CSMD1: variants seen among roughly 807,000 people sequenced by gnomAD.
CSMD1 encodes the protein CUB and Sushi multiple domains 1.
A neutral mutation model predicts 417.5 loss-of-function variants in CSMD1; 213 were observed. The observed-to-expected ratio is 0.51, with a 90% CI of 0.46 to 0.57. The LOEUF (loss-of-function observed/expected upper bound fraction) is 0.57, where lower values mean the gene tolerates loss of function less well. CSMD1 is among the 20% of genes least tolerant of loss of function. The pLI, the probability that CSMD1 is intolerant of heterozygous loss-of-function variation, is 0.00. For synonymous variants in CSMD1, 2,862 were observed against 1,736.8 expected (o/e 1.65, Z -16.11); for missense variants, 6,923 against 4,529.7 (o/e 1.53, Z -15.17).
chr8:3,197,414 T>C (rs909250434), intron 33 of CSMD1, among the ~76,000 whole-genome samples: 3 of 152,074 alleles, frequency 2.0e-5, no homozygotes, highest in Non-Finnish European at 2.9e-5. Context: ...GCTGTAATGG[T>C]GTATGAAAGC....
rs563596744 is a variant in CSMD1 at position 3,368,117 on chromosome 8, T to A, written c.2900-870A>T. Among the ~76,000 whole-genome samples, 11 of 152,292 alleles carry A rather than the reference T, an allele frequency of 7.2e-5. 1 individual carries two copies. In the South Asian group the frequency reaches 2.3e-3, roughly 32 times the overall value. On this transcript the variant is annotated intron_variant, in intron 19 of 69. Coordinates refer to ENST00000635120, the MANE Select transcript of CSMD1 (RefSeq NM_033225.6). ...GAACAGATAACTTCTAATAAAAATG[T>A]GTATTTTTATGATTATAAAACTTTG...
intron 3 of CSMD1, among the ~76,000 whole-genome samples, chr8:4,158,753 C>A (rs1796981052): frequency 6.6e-6 from 1 of 152,118 alleles, no homozygotes; most frequent in Non-Finnish European, 1.5e-5. Flanking sequence ...ATCATCGTCA[C>A]TTGATGGGTG....
At chr8:4,112,211 C>G (rs146754472) in intron 3 of CSMD1, among the ~76,000 whole-genome samples, 1 of 152,216 alleles carries the variant, frequency 6.6e-6, no homozygotes, top group African/African-American at 2.4e-5. Flanking sequence ...ACCAGTAACA[C>G]CTCTTTCAGG....
At chr8:3,122,760 G>T (rs916620485) in intron 41 of CSMD1, among the ~76,000 whole-genome samples, 2 of 152,110 alleles carry the variant, frequency 1.3e-5, no homozygotes, top group Non-Finnish European at 2.9e-5. Flanking sequence ...CCCGACCCCA[G>T]CCATGTGGAA....
At chr8:3,630,207 G>C (rs544940211) in intron 7 of CSMD1, among the ~76,000 whole-genome samples, 1 of 152,202 alleles carries the variant, frequency 6.6e-6, no homozygotes, top group Non-Finnish European at 1.5e-5. Flanking sequence ...CTGGGAGGGA[G>C]AAATTAATAG....
At chr8:3,061,948 T>C (rs993070128) in intron 49 of CSMD1, among the ~76,000 whole-genome samples, 4 of 152,176 alleles carry the variant, frequency 2.6e-5, no homozygotes, top group Non-Finnish European at 5.9e-5. Context: ...GAGTAGCTGA[T>C]GACGAAGCCT....
At chr8:4,791,736 A>T (rs530278929) in intron 1 of CSMD1, among the ~76,000 whole-genome samples, 48 of 152,300 alleles carry the variant, frequency 3.2e-4, no homozygotes, top group African/African-American at 1.1e-3. Context: ...TTTTCTGACG[A>T]AGAAGTTCAA....
chr8:4,912,934 C>A (rs1264159674), intron 1 of CSMD1, among the ~76,000 whole-genome samples: 2 of 152,106 alleles, frequency 1.3e-5, no homozygotes, highest in African/African-American at 4.8e-5. Flanking sequence ...TACAGGCACC[C>A]ACCACCTCAC....
intron 2 of CSMD1, among the ~76,000 whole-genome samples, chr8:4,523,677 A>C (rs1036843644): frequency 6.6e-6 from 1 of 152,144 alleles, no homozygotes; most frequent in Admixed American, 6.5e-5. Flanking sequence ...GGTCTACTAA[A>C]GGTCTGCTTA....
chr8:4,737,180 C>A (rs1280381689), intron 1 of CSMD1, among the ~76,000 whole-genome samples: 1 of 152,124 alleles, frequency 6.6e-6, no homozygotes, highest in African/African-American at 2.4e-5. Context: ...ATCATGTCCT[C>A]TGCAGGGACA....
At chr8:3,521,875 T>A (rs893334469) in intron 10 of CSMD1, among the ~76,000 whole-genome samples, 1 of 152,190 alleles carries the variant, frequency 6.6e-6, no homozygotes, top group East Asian at 1.9e-4. Flanking sequence ...GCGGAACAGT[T>A]TGATGCCAAA....
chr8:4,371,265 G>C lies in CSMD1; in HGVS notation c.415+48688C>G, dbSNP rs543350097. On this transcript the variant is annotated intron_variant, in intron 3 of 69. Coordinates refer to ENST00000635120, the MANE Select transcript of CSMD1 (RefSeq NM_033225.6). ...GACCAGGTCAGCAGTTTGGCTTCTA[G>C]TCCCTTGAGGATGCGCCTCTGCTGG... Among the ~76,000 whole-genome samples the C allele has an allele frequency of 9.7e-4, 147 of 152,236 alleles. 3 individuals carry two copies. Among genetic ancestry groups the C allele is most frequent in the Non-Finnish European group, 1.2e-4 (8 of 68,030 alleles).
intron 1 of CSMD1, among the ~76,000 whole-genome samples, chr8:4,974,052 A>T (rs970781025): frequency 1.3e-5 from 2 of 152,104 alleles, no homozygotes; most frequent in African/African-American, 4.8e-5. Flanking sequence ...ACAGAGTCTC[A>T]CCCTGTTGCC....
At chr8:4,099,749 C>T (rs573122563) in intron 3 of CSMD1, among the ~76,000 whole-genome samples, 1 of 152,078 alleles carries the variant, frequency 6.6e-6, no homozygotes, top group Non-Finnish European at 1.5e-5. Context: ...AAACTAGAAC[C>T]TCTTCCTGAG....
chr8:3,470,399 A>C (rs570023314), intron 11 of CSMD1, among the ~76,000 whole-genome samples: 1 of 152,348 alleles, frequency 6.6e-6, no homozygotes, highest in Non-Finnish European at 1.5e-5. Context: ...GTACAAAATA[A>C]TATAAAGAGA....
At chr8:4,554,712 TG>T (rs1798013943) in intron 2 of CSMD1, among the ~76,000 whole-genome samples, 1 of 152,206 alleles carries the variant, frequency 6.6e-6, no homozygotes, top group South Asian at 2.1e-4. Flanking sequence ...AAATTAGGTT[TG>T]CAAGTTTTAC....
At chr8:4,875,910 CTTT>C (rs771807804) in intron 1 of CSMD1, among the ~76,000 whole-genome samples, 2 of 151,958 alleles carry the variant, frequency 1.3e-5, no homozygotes, top group Non-Finnish European at 2.9e-5. Flanking sequence ...TCAAAAGAGT[CTTT>C]AATAGCAACA....
intron 7 of CSMD1, among the ~76,000 whole-genome samples, chr8:3,697,812 C>G (rs182824384): frequency 1.9e-4 from 29 of 152,188 alleles, no homozygotes; most frequent in Admixed American, 1.2e-3. Context: ...TTTATACTTC[C>G]TTTTTTAGGT....
At chr8:3,136,484 C>G (rs1818098033) in intron 41 of CSMD1, among the ~76,000 whole-genome samples, 1 of 152,000 alleles carries the variant, frequency 6.6e-6, no homozygotes, top group African/African-American at 2.4e-5. Context: ...AGGCTGATCT[C>G]CGACTCCTGA....
Sources: gnomAD v4.1 joint callset for allele counts (sites outside exome capture counted in the v4.1 genomes callset) on GRCh38, gnomAD v4.1.1 for gene constraint, MANE v1.5 for transcripts, NCBI Gene and HGNC (gene_info 2026-07-23, HGNC 2026-07-21) for gene names.